UIMC1: variants seen among roughly 807,000 people sequenced by gnomAD.
UIMC1 encodes BRCA1-A complex subunit RAP80.
A neutral mutation model predicts 84.9 loss-of-function variants in UIMC1; 42 were observed. The observed-to-expected ratio is 0.49, with a 90% confidence interval of 0.39 to 0.64. The LOEUF (loss-of-function observed/expected upper bound fraction) is 0.64. UIMC1 is among the 30% of genes least tolerant of loss of function. The probability of loss-of-function intolerance (pLI) is 0.00; values close to 1 mark genes in which losing one functional copy is unlikely to be tolerated. For missense variants in UIMC1, 825 were observed against 847.6 expected, an observed-to-expected ratio of 0.97 and a Z score of 0.33; for synonymous variants, 281 against 293.0, an observed-to-expected ratio of 0.96 and a Z score of 0.42.
At chr5:176,953,495 TACACACACACACACACAC>T (rs137955830) in intron 8 of UIMC1, among the ~76,000 whole-genome samples, 2 of 136,886 alleles carry the variant, frequency 1.5e-5, no homozygotes, top group Admixed American at 7.3e-5. Flanking sequence ...ACTGGACACA[TACACACACACACACACAC>T]ACACACACAC....
chr5:176,949,785 C>A (rs1460980807), intron 9 of UIMC1, among the ~76,000 whole-genome samples: 1 of 152,190 alleles, frequency 6.6e-6, no homozygotes, highest in Non-Finnish European at 1.5e-5. Flanking sequence ...CCAGGCCGGG[C>A]ACAGTGGCTC....
At chr5:176,923,295 T>C (rs1761929644) in intron 10 of UIMC1, among the ~76,000 whole-genome samples, 1 of 151,960 alleles carries the variant, frequency 6.6e-6, no homozygotes, top group Non-Finnish European at 1.5e-5. Flanking sequence ...CACAGATCAG[T>C]TAAAAGAATG....
chr5:176,928,946 G>A (rs777670181), intron 10 of UIMC1, among the ~76,000 whole-genome samples: 7 of 150,966 alleles, frequency 4.6e-5, no homozygotes, highest in Non-Finnish European at 7.4e-5. Context: ...GTGAAACTAC[G>A]TCTTTTAAAA....
At chr5:176,929,957 G>A (rs1762888354) in intron 10 of UIMC1, among the ~76,000 whole-genome samples, 1 of 152,184 alleles carries the variant, frequency 6.6e-6, no homozygotes, top group Non-Finnish European at 1.5e-5. Context: ...AGTTTCATAT[G>A]GAGAAAAGAC....
intron 6 of UIMC1, among the ~76,000 whole-genome samples, chr5:176,959,329 A>T (rs1363470821): frequency 6.6e-6 from 1 of 152,218 alleles, no homozygotes; most frequent in East Asian, 1.9e-4. Context: ...CTTGGTCTTT[A>T]GATGCAATCA....
chr5:176,905,829 T>C (rs547912839), intron 14 of UIMC1, 182 bp downstream of exon 14: 148 of 665,260 alleles, frequency 2.2e-4, no homozygotes, highest in African/African-American at 1.8e-3. Flanking sequence ...AATGAATGAA[T>C]TGAGTTATCC....
chr5:176,926,669 T>A (rs1262389969), intron 10 of UIMC1, among the ~76,000 whole-genome samples: 1 of 151,972 alleles, frequency 6.6e-6, no homozygotes, highest in Non-Finnish European at 1.5e-5. Context: ...AAGAGATGCA[T>A]ACTAATTAAA....
chr5:176,908,728 T>A, intron 11 of UIMC1, 34 bp from the exon 12 acceptor site: 1 of 1,594,608 alleles, frequency 6.3e-7, no homozygotes, highest in Non-Finnish European at 8.6e-7. Context: ...AAAACACAGT[T>A]TTAAGATGTG....
chr5:176,931,471 T>C (rs183565242), intron 10 of UIMC1, among the ~76,000 whole-genome samples: 42 of 152,288 alleles, frequency 2.8e-4, no homozygotes, highest in African/African-American at 9.4e-4. Context: ...GGGGGCTCCT[T>C]AGCATGAAGG....
chr5:177,008,542 A>C (rs1324372452), upstream of UIMC1, among the ~76,000 whole-genome samples: 1 of 152,192 alleles, frequency 6.6e-6, no homozygotes, highest in African/African-American at 2.4e-5. Context: ...AGATCAGAAA[A>C]GGTTTCAGTG....
intron 1 of UIMC1, among the ~76,000 whole-genome samples, chr5:177,005,234 C>CT: frequency 6.6e-6 from 1 of 151,786 alleles, no homozygotes; most frequent in East Asian, 2.0e-4. Flanking sequence ...CCACCACACT[C>CT]TAATAATTTT....
chr5:176,919,166 G>A, intron 10 of UIMC1: 2 of 403,430 alleles, frequency 5.0e-6, no homozygotes, highest in Non-Finnish European at 4.8e-6. Context: ...TCAATGGCAA[G>A]TACCTGGGAG....
upstream of UIMC1, among the ~76,000 whole-genome samples, chr5:177,009,500 T>C (rs1211298678): frequency 6.6e-6 from 1 of 152,210 alleles, no homozygotes; most frequent in African/African-American, 2.4e-5. The surrounding 1 kb of genome is among the most constrained non-coding windows in gnomAD (Gnocchi z 4.3). Context: ...TTTACACCAT[T>C]ATGAGTCATG....
intron 10 of UIMC1, among the ~76,000 whole-genome samples, chr5:176,911,665 T>G (rs1284207638): frequency 6.6e-6 from 1 of 152,192 alleles, no homozygotes; most frequent in Non-Finnish European, 1.5e-5. Flanking sequence ...AAGAAAAGGT[T>G]TTTGTGTACT....
intron 10 of UIMC1, among the ~76,000 whole-genome samples, chr5:176,932,774 C>A (rs1168214575): frequency 1.3e-5 from 2 of 152,038 alleles, no homozygotes; most frequent in East Asian, 1.9e-4. Flanking sequence ...TTTGGGCATC[C>A]AGCCCCTGCT....
At chr5:176,969,329 C>CT in intron 5 of UIMC1, 38 bp from the exon 6 acceptor site, 1 of 1,556,068 alleles carries the variant, frequency 6.4e-7, no homozygotes, top group Non-Finnish European at 8.7e-7. Context: ...TAAGGACAAA[C>CT]TTTTTTATTA....
chr5:176,925,622 A>C (rs1386279296), intron 10 of UIMC1, among the ~76,000 whole-genome samples: 1 of 152,188 alleles, frequency 6.6e-6, no homozygotes, highest in Non-Finnish European at 1.5e-5. Flanking sequence ...ATAAAAAGGA[A>C]TATAACACGG....
chr5:176,982,604 T>C lies in UIMC1; in HGVS notation c.12A>G (p.Arg4=). The C allele has an allele frequency of 1.2e-6, 2 of 1,613,750 alleles. No individual in the cohort carries two copies. Among genetic ancestry groups the C allele is most frequent in the Non-Finnish European group, 1.7e-6 (2 of 1,179,928 alleles). MPR[R]KKKVKEVSES... ...CGGAGACTTCTTTAACTTTTTTCTTTCTCCGTGGCATCCTTTTGTCTAGAA... is the reference window on the plus strand; with the variant it reads ...CGGAGACTTCTTTAACTTTTTTCTTCCTCCGTGGCATCCTTTTGTCTAGAA... Residue 4 remains arginine, a synonymous_variant, in exon 2 of 15, where the codon AGA becomes AGG. Coordinates refer to ENST00000511320, the MANE Select transcript of UIMC1 (RefSeq NM_001199298.2).
At chr5:176,971,162 G>A (rs1199164202) in intron 3 of UIMC1, among the ~76,000 whole-genome samples, 1 of 152,198 alleles carries the variant, frequency 6.6e-6, no homozygotes, top group Admixed American at 6.5e-5. Flanking sequence ...AGGGCACATG[G>A]TACGTAATAA....
Sources: gnomAD v4.1 joint callset for allele counts (sites outside exome capture counted in the v4.1 genomes callset) on GRCh38, gnomAD v4.1.1 for gene constraint, Gnocchi (gnomAD v3.1) non-coding constraint, MANE v1.5 for transcripts, NCBI Gene and HGNC (gene_info 2026-07-23, HGNC 2026-07-21) for gene names.